The following SLC6A2 variants were observed in gnomAD, a reference collection of about 807,000 sequenced individuals.
The protein encoded by SLC6A2 is solute carrier family 6 member 2.
Under a neutral mutation model 71.7 loss-of-function variants are expected in SLC6A2, and 26 were observed. The observed-to-expected ratio is 0.36, with a 90% CI of 0.27 to 0.50. The LOEUF (loss-of-function observed/expected upper bound fraction) is 0.50, where lower values mean the gene tolerates loss of function less well. Ranked by LOEUF, SLC6A2 falls within the 20% of genes least tolerant of loss-of-function variation. The pLI is 0.96. For missense variants in SLC6A2, 581 were observed against 803.9 expected (o/e 0.72, Z 3.35); for synonymous variants, 363 against 337.9 (o/e 1.07, Z -0.82).
In SLC6A2 at chr16:55,669,634, C is replaced by T; in HGVS notation, c.344C>T (p.Ala115Val). ...AGMPLFYMEL[A>V]LGQYNREGAA... ...ATGCCCCTGTTCTACATGGAGCTGG[C>T]TCTGGGACAGTACAACCGGGAGGGG... Residue 115 changes from alanine to valine, a missense_variant, in exon 3 of 15, where the codon GCT (alanine) becomes GTT (valine). Around this residue, in one of 5 missense-constraint regions of SLC6A2, gnomAD observed 81 missense variants for 152.4 expected, o/e 0.53. Coordinates refer to ENST00000568943, the MANE Select transcript of SLC6A2 (RefSeq NM_001172501.3). 1 of 1,614,104 alleles carries T rather than the reference C, an allele frequency of 6.2e-7. No homozygotes were observed. The highest frequency in any genetic ancestry group is 8.5e-7 in the Non-Finnish European group (1 of 1,179,992).
In SLC6A2 at chr16:55,692,001, T is replaced by A. The variant is rs567119800; in HGVS notation, c.867T>A (p.Asn289Lys). 16 of 1,614,190 alleles carry A rather than the reference T, an allele frequency of 9.9e-6. No homozygotes were observed. In the East Asian group the frequency reaches 2.0e-4, roughly 20 times the overall value. ...VHGVTLPGAS[N>K]GINAYLHIDF... Reference sequence around the variant, plus strand: ...GCGTCACGCTGCCCGGAGCCTCCAATGGCATCAATGCCTACCTGCACATCG... The same window carrying A: ...GCGTCACGCTGCCCGGAGCCTCCAAAGGCATCAATGCCTACCTGCACATCG... Residue 289 changes from asparagine (N) to lysine (K), a missense_variant, in exon 6 of 15, where the codon AAT becomes AAA. Physicochemically the swap from Asn to Lys is moderately conservative, Grantham distance 94. Coordinates refer to ENST00000568943, the MANE Select transcript of SLC6A2 (RefSeq NM_001172501.3).
At position 55,667,942 on chromosome 16, in the gene SLC6A2, C is replaced by T. The variant is rs568885447; in HGVS notation, c.275-1623C>T. On this transcript the variant is annotated intron_variant, in intron 2 of 14. Transcript: ENST00000568943. Reference sequence around the variant, plus strand: ...GGTCGGTCAGGTCATTTAATTTCTCCAACCCTCAGTTTCCTCATCTGAAAA... The same window carrying T: ...GGTCGGTCAGGTCATTTAATTTCTCTAACCCTCAGTTTCCTCATCTGAAAA... Among the ~76,000 whole-genome samples, 6 of 152,310 alleles carry T rather than the reference C, an allele frequency of 3.9e-5. No homozygotes were observed. In the East Asian group the frequency reaches 1.2e-3, roughly 29 times the overall value.
rs1338909414 is a variant in SLC6A2 at position 55,676,697 on chromosome 16, T to C, written c.644+4522T>C. ...ACACATCACATTTACCCAGCTTGGA[T>C]TGTATTCCAGCCATAGTTCAAAGCA... is the stretch of plus-strand genomic sequence containing the variant. On this transcript the variant is annotated intron_variant, in intron 4 of 14. Coordinates refer to ENST00000568943, the MANE Select transcript of SLC6A2 (RefSeq NM_001172501.3). 2.6e-5 allele frequency among the ~76,000 whole-genome samples: 4 copies of C among 152,244 alleles called. No individual in the cohort carries two copies. The South Asian group carries it at 6.2e-4, about 24-fold the overall frequency.
In SLC6A2 at chr16:55,705,652, A is replaced by T. The variant is rs1966085454; in HGVS notation, c.*3306A>T. The T allele has an allele frequency of 5.7e-6, 1 of 175,350 alleles. No individual in the cohort carries two copies. The highest frequency in any genetic ancestry group is 1.2e-5 in the Non-Finnish European group (1 of 83,170). 10.9% of individuals were successfully genotyped at this position (175,350 alleles called of 1,614,324 possible). Reference sequence around the variant, plus strand: ...TCAAAGTTCCCATTCCATTAAAGAAAACCCTGCATGTATCCATAATGATGC... The same window carrying T: ...TCAAAGTTCCCATTCCATTAAAGAATACCCTGCATGTATCCATAATGATGC... On this transcript the variant is annotated 3_prime_UTR_variant, in exon 15 of 15. Coordinates refer to ENST00000568943, the MANE Select transcript of SLC6A2 (RefSeq NM_001172501.3).
chr16:55,697,562 G>A (rs1597012364), intron 9 of SLC6A2, among the ~76,000 whole-genome samples: 1 of 152,180 alleles, frequency 6.6e-6, no homozygotes, highest in East Asian at 1.9e-4. Flanking sequence ...TATGACATGG[G>A]TTTTGGTGTT....
chr16:55,676,386 C>A (rs1227776754), intron 4 of SLC6A2, among the ~76,000 whole-genome samples: 1 of 152,162 alleles, frequency 6.6e-6, no homozygotes, highest in Non-Finnish European at 1.5e-5. Flanking sequence ...TAACTCTTAT[C>A]CTCATCACAC....
At chr16:55,694,630 G>C (rs1393769671) in intron 7 of SLC6A2, among the ~76,000 whole-genome samples, 1 of 152,142 alleles carries the variant, frequency 6.6e-6, no homozygotes, top group Non-Finnish European at 1.5e-5. Flanking sequence ...CTCCATCCAA[G>C]GCTTAAGGCA....
At chr16:55,671,353 A>T (rs1269259897) in intron 3 of SLC6A2, among the ~76,000 whole-genome samples, 2 of 152,106 alleles carry the variant, frequency 1.3e-5, no homozygotes, top group Non-Finnish European at 2.9e-5. Context: ...ACTGGGGGCA[A>T]GCAGGTGGTG....
At chr16:55,685,920 A>G (rs560353547) in intron 5 of SLC6A2, among the ~76,000 whole-genome samples, 1 of 152,162 alleles carries the variant, frequency 6.6e-6, no homozygotes, top group East Asian at 1.9e-4. Flanking sequence ...CATGGGTGGG[A>G]ATATTCAGGA....
chr16:55,676,753 A>T (rs1402525505), intron 4 of SLC6A2, among the ~76,000 whole-genome samples: 1 of 152,228 alleles, frequency 6.6e-6, no homozygotes, highest in Admixed American at 6.5e-5. Context: ...AATCCTGACC[A>T]CTGTGGTATA....
rs1277951284 is a variant in SLC6A2, at chr16:55,705,196, C to G, written c.*2850C>G. 1 of 1,527,822 alleles carries G rather than the reference C, an allele frequency of 6.5e-7. No individual in the cohort carries two copies. The highest frequency in any genetic ancestry group is 2.4e-5 in the East Asian group (1 of 40,888). 94.6% of individuals were successfully genotyped at this position (1,527,822 alleles called of 1,614,324 possible). A position where few individuals can be genotyped will look rare whatever the true frequency, so the allele number is the denominator to read the frequency against. ...TCAATGTCTAGTTATTTAGCACCCA[C>G]CTTTTAGCTTTCATTCTAGATGAAA... is the stretch of plus-strand genomic sequence containing the variant. On this transcript the variant is annotated 3_prime_UTR_variant, in exon 15 of 15. Transcript: ENST00000568943.
intron 2 of SLC6A2, among the ~76,000 whole-genome samples, chr16:55,661,526 T>A (rs1342637918): frequency 1.3e-5 from 2 of 152,194 alleles, no homozygotes; most frequent in African/African-American, 4.8e-5. Flanking sequence ...TTTGTTATTG[T>A]TCAATGATAT....
At chr16:55,684,374 G>A (rs1167927083) in intron 4 of SLC6A2, among the ~76,000 whole-genome samples, 3 of 151,674 alleles carry the variant, frequency 2.0e-5, no homozygotes, top group Admixed American at 2.0e-4. Context: ...TTCCACTGTT[G>A]ATGGATGTTT....
chr16:55,688,206 G>T (rs78602245), intron 5 of SLC6A2, among the ~76,000 whole-genome samples: 2 of 152,222 alleles, frequency 1.3e-5, no homozygotes, highest in African/African-American at 2.4e-5. Flanking sequence ...CCTGGAACAG[G>T]ACATTGAGCC....
rs1304663241 is a variant in SLC6A2, at chr16:55,697,937, A to G, written c.1301A>G (p.Asp434Gly). 1 of 1,613,726 alleles carries G rather than the reference A, an allele frequency of 6.2e-7. No individual in the cohort carries two copies. Among genetic ancestry groups the G allele is most frequent in the Non-Finnish European group, 8.5e-7 (1 of 1,179,840 alleles). Residue 434 changes from aspartate (D) to glycine (G), a missense_variant, in exon 10 of 15, where the codon GAC becomes GGC. Physicochemically the swap from Asp to Gly is moderately conservative, Grantham distance 94. Around this residue, in one of 5 missense-constraint regions of SLC6A2, gnomAD observed 334 missense variants for 449.0 expected, o/e 0.74. Coordinates refer to ENST00000568943, the MANE Select transcript of SLC6A2 (RefSeq NM_001172501.3). ...GCTGTCATCACGGGCCTGGCAGATG[A>G]CTTCCAGGTCCTGAAGCGACACCGG... is the stretch of plus-strand genomic sequence containing the variant. Reference protein sequence around the residue: ...MEAVITGLADDFQVLKRHRKL... With the variant: ...MEAVITGLADGFQVLKRHRKL...
chr16:55,698,154 T>A (rs545556032), intron 10 of SLC6A2, 129 bp downstream of exon 10: 189 of 1,036,478 alleles, frequency 1.8e-4, no homozygotes, highest in Non-Finnish European at 2.7e-4. Context: ...CATCCTCAAT[T>A]CAGCGGCCTG....
chr16:55,686,632 C>A (rs1426821679), intron 5 of SLC6A2, among the ~76,000 whole-genome samples: 1 of 152,158 alleles, frequency 6.6e-6, no homozygotes, highest in African/African-American at 2.4e-5. Context: ...CTCTCTGATA[C>A]TCTTAGAGTT....
chr16:55,664,978 C>G (rs144558985), intron 2 of SLC6A2, among the ~76,000 whole-genome samples: 22 of 152,316 alleles, frequency 1.4e-4, no homozygotes, highest in African/African-American at 5.1e-4. Flanking sequence ...TCTACATGAA[C>G]ATCTTGCTGG....
At chr16:55,698,865 C>A (rs546652216) in intron 11 of SLC6A2, among the ~76,000 whole-genome samples, 1 of 152,146 alleles carries the variant, frequency 6.6e-6, no homozygotes, top group Non-Finnish European at 1.5e-5. Context: ...AAACACAACA[C>A]GGGTTGCCTA....
Sources: gnomAD v4.1 joint callset for allele counts (sites outside exome capture counted in the v4.1 genomes callset) on GRCh38, gnomAD v4.1.1 for gene constraint, gnomAD v4.1.1 regional missense constraint, MANE v1.5 for transcripts, NCBI Gene and HGNC (gene_info 2026-07-23, HGNC 2026-07-21) for gene names.